The following THSD4 variants were observed in gnomAD, a reference collection of about 807,000 sequenced individuals.
The protein encoded by THSD4 is thrombospondin type-1 domain-containing protein 4.
In THSD4, 69 loss-of-function variants were observed where a neutral mutation model predicts 119.0. The observed-to-expected ratio is 0.58, with a 90% CI of 0.48 to 0.71. THSD4 has a LOEUF of 0.71. THSD4 is among the 30% of genes least tolerant of loss of function. The probability of loss-of-function intolerance (pLI) is 0.00; values close to 1 mark genes in which losing one functional copy is unlikely to be tolerated. For missense variants in THSD4, 1,393 were observed against 1,391.1 expected (o/e 1.00, Z -0.02); for synonymous variants, 524 against 540.4 (o/e 0.97, Z 0.42).
intron 6 of THSD4, among the ~76,000 whole-genome samples, chr15:71,320,974 A>G (rs1445127807): frequency 3.9e-5 from 6 of 152,188 alleles, no homozygotes; most frequent in Non-Finnish European, 7.3e-5. Flanking sequence ...TAGCTTTTCC[A>G]TATTCCATGG....
intron 6 of THSD4, among the ~76,000 whole-genome samples, chr15:71,257,825 T>C (rs1158152893): frequency 6.6e-6 from 1 of 152,030 alleles, no homozygotes; most frequent in Non-Finnish European, 1.5e-5. Flanking sequence ...CTCAAAATTG[T>C]TAAGAACTAA....
intron 7 of THSD4, among the ~76,000 whole-genome samples, chr15:71,475,451 A>G (rs190448848): frequency 3.3e-4 from 50 of 152,302 alleles, no homozygotes; most frequent in Middle Eastern, 6.8e-3. Context: ...GTGGTGTATT[A>G]GGGTCATCCT....
intron 6 of THSD4, among the ~76,000 whole-genome samples, chr15:71,292,078 C>G (rs368055340): frequency 5.3e-5 from 8 of 152,192 alleles, no homozygotes; most frequent in African/African-American, 1.9e-4. Flanking sequence ...ATAATTAAAC[C>G]AGTTTTGGAA....
At chr15:71,254,403 C>T (rs1282476383) in intron 5 of THSD4, among the ~76,000 whole-genome samples, 1 of 152,154 alleles carries the variant, frequency 6.6e-6, no homozygotes, top group African/African-American at 2.4e-5. Flanking sequence ...CACGTTAAGT[C>T]ATTTGGAGTG....
At chr15:71,142,956 C>G (rs2040619394) in intron 2 of THSD4, among the ~76,000 whole-genome samples, 2 of 152,186 alleles carry the variant, frequency 1.3e-5, no homozygotes, top group Non-Finnish European at 2.9e-5. Context: ...AGAGCATTTG[C>G]CAAGCAGATG....
At chr15:71,622,894 A>G (rs2050442929) in intron 7 of THSD4, among the ~76,000 whole-genome samples, 2 of 152,138 alleles carry the variant, frequency 1.3e-5, no homozygotes, top group South Asian at 4.1e-4. Context: ...GATTTGTTCA[A>G]TGGGATCTAC....
chr15:71,353,062 A>G lies in THSD4; in HGVS notation c.1016-58625A>G, dbSNP rs140614216. ...AGGCGATAACTCACATTCATTCAAC[A>G]CTATCTCATGTACCAGACACTTTTC... On this transcript the variant is annotated intron_variant, in intron 6 of 17. Coordinates refer to ENST00000261862, the MANE Select transcript of THSD4 (RefSeq NM_024817.3). 2.0e-3 allele frequency among the ~76,000 whole-genome samples: 305 copies of G among 152,342 alleles called. 1 individual carries two copies. Among genetic ancestry groups the G allele is most frequent in the Non-Finnish European group, 3.6e-3 (247 of 68,034 alleles).
chr15:71,688,739 G>C (rs1026937168), intron 8 of THSD4, among the ~76,000 whole-genome samples: 4 of 149,402 alleles, frequency 2.7e-5, no homozygotes, highest in African/African-American at 9.9e-5. Context: ...GTGTGTGTGT[G>C]TGTCTGTGAC....
chr15:71,290,227 C>T (rs943022413), intron 6 of THSD4, among the ~76,000 whole-genome samples: 3 of 152,198 alleles, frequency 2.0e-5, no homozygotes, highest in Non-Finnish European at 4.4e-5. Flanking sequence ...GGTGCTGGCA[C>T]AGCAGGTCCT....
In THSD4 at chr15:71,777,289, GTGTCTACAACTAC is replaced by G. The variant is rs1177022661; in HGVS notation, c.2974_2986del (p.Val992ThrfsTer71). 6.2e-7 allele frequency: 1 copy of G among 1,614,108 alleles called. No individual in the cohort carries two copies. Among genetic ancestry groups the G allele is most frequent in the African/African-American group, 1.3e-5 (1 of 74,936 alleles). ...AACGTGGTGGTCCAGGCAAGACTCT[GTGTCTACAACTAC>G]TACAAGACCGCCTGCTGTGCCTCCT... On this transcript the variant is annotated frameshift_variant, in exon 18 of 18. Transcript: ENST00000261862. LOFTEE classifies it high-confidence loss of function.
intron 3 of THSD4, among the ~76,000 whole-genome samples, chr15:71,162,144 A>C (rs1364467377): frequency 6.6e-6 from 1 of 152,048 alleles, no homozygotes; most frequent in African/African-American, 2.4e-5. Flanking sequence ...CCTTCATACT[A>C]GAGAATTGAA....
At chr15:71,223,606 C>A (rs2043992218) in intron 4 of THSD4, among the ~76,000 whole-genome samples, 1 of 152,152 alleles carries the variant, frequency 6.6e-6, no homozygotes, top group African/African-American at 2.4e-5. Context: ...AGCCAATATT[C>A]TTTGTGTATT....
intron 7 of THSD4, among the ~76,000 whole-genome samples, chr15:71,539,580 C>T (rs762870805): frequency 5.9e-5 from 9 of 152,070 alleles, no homozygotes; most frequent in Non-Finnish European, 8.8e-5. Flanking sequence ...GTTCATTTTC[C>T]GTATTTTTTG....
At chr15:71,674,267 C>G (rs1161780220) in intron 8 of THSD4, among the ~76,000 whole-genome samples, 1 of 152,210 alleles carries the variant, frequency 6.6e-6, no homozygotes, top group South Asian at 2.1e-4. Flanking sequence ...CAGTCCAGCT[C>G]TGCCCATTGA....
intron 7 of THSD4, among the ~76,000 whole-genome samples, chr15:71,454,596 G>A (rs919128899): frequency 2.0e-5 from 3 of 152,204 alleles, no homozygotes; most frequent in Non-Finnish European, 2.9e-5. Context: ...AAAGAATCTG[G>A]TTCATATTAT....
At chr15:71,660,035 A>G (rs1159069288) in intron 7 of THSD4, among the ~76,000 whole-genome samples, 1 of 152,102 alleles carries the variant, frequency 6.6e-6, no homozygotes. Context: ...TACCAGTTAG[A>G]GGTTCAGCTC....
intron 6 of THSD4, among the ~76,000 whole-genome samples, chr15:71,411,280 C>A (rs967621406): frequency 1.3e-5 from 2 of 152,104 alleles, no homozygotes; most frequent in Non-Finnish European, 2.9e-5. Context: ...AGATACAATC[C>A]CTTCCCTCTA....
At position 71,397,451 on chromosome 15, in the gene THSD4, T is replaced by G. The variant is rs572215982; in HGVS notation, c.1016-14236T>G. On this transcript the variant is annotated intron_variant, in intron 6 of 17. Coordinates refer to ENST00000261862, the MANE Select transcript of THSD4 (RefSeq NM_024817.3). ...TTTGCTGAGTAAACGAATCCATGAATGAATAAATGTTGATTGTCCCATAAG... is the reference window on the plus strand; with the variant it reads ...TTTGCTGAGTAAACGAATCCATGAAGGAATAAATGTTGATTGTCCCATAAG... 3.3e-5 allele frequency among the ~76,000 whole-genome samples: 5 copies of G among 152,308 alleles called. No homozygotes were observed. In the East Asian group the frequency reaches 9.6e-4, roughly 29 times the overall value.
chr15:71,342,920 C>T (rs1325103973), intron 6 of THSD4: 1 of 152,302 alleles, frequency 6.6e-6, no homozygotes, highest in Non-Finnish European at 1.5e-5. Context: ...CTGTTCTCTT[C>T]CTCCCGACTG....
Sources: gnomAD v4.1 joint callset for allele counts (sites outside exome capture counted in the v4.1 genomes callset) on GRCh38, gnomAD v4.1.1 for gene constraint, MANE v1.5 for transcripts, NCBI Gene and HGNC (gene_info 2026-07-23, HGNC 2026-07-21) for gene names.